METAP2: variants seen among roughly 807,000 people sequenced by gnomAD.
The protein encoded by METAP2 is methionyl aminopeptidase 2.
A neutral mutation model predicts 59.4 loss-of-function variants in METAP2; 25 were observed. That is an observed-to-expected ratio of 0.42 (90% CI 0.31 to 0.59). The LOEUF is 0.59. Among genes scored for constraint, METAP2 ranks in the 20% least tolerant of loss-of-function variants. METAP2 has a pLI of 0.16. For missense variants in METAP2, 366 were observed against 581.2 expected, an observed-to-expected ratio of 0.63 and a Z score of 3.81; for synonymous variants, 214 against 194.1, an observed-to-expected ratio of 1.10 and a Z score of -0.85.
intron 3 of METAP2, among the ~76,000 whole-genome samples, chr12:95,484,184 T>C (rs145109982): frequency 6.6e-6 from 1 of 152,166 alleles, no homozygotes; most frequent in Non-Finnish European, 1.5e-5. Context: ...GGCTAAAATT[T>C]TATGAATCAG....
Position 95,505,938 on chromosome 12 carries a change from CA to C in METAP2, c.964+1787del, listed in dbSNP as rs111916940. ...GGTAAAACCCCGTCTCTACTAAATA[CA>C]AAAAAAAAATAGCCAGGCGTGATGG... On this transcript the variant is annotated intron_variant, in intron 8 of 10. Transcript: ENST00000323666. Among the ~76,000 whole-genome samples, 37 of 138,684 alleles carry C rather than the reference CA, an allele frequency of 2.7e-4. 1 individual carries two copies. The highest frequency in any genetic ancestry group is 8.2e-4 in the East Asian group (4 of 4,854). 91.0% of individuals were successfully genotyped at this position (138,684 alleles called of 152,430 possible). A position where few individuals can be genotyped will look rare whatever the true frequency, so the allele number is the denominator to read the frequency against.
At chr12:95,495,794 C>G (rs1288926135) in intron 6 of METAP2, among the ~76,000 whole-genome samples, 2 of 152,062 alleles carry the variant, frequency 1.3e-5, no homozygotes, top group East Asian at 1.9e-4. Flanking sequence ...ATATACTAAC[C>G]TTGTAATTCT....
rs888429912 is a variant in METAP2, at chr12:95,501,911, C to G, written c.868-2154C>G. Among the ~76,000 whole-genome samples the G allele has an allele frequency of 4.0e-5, 6 of 150,656 alleles. No individual in the cohort carries two copies. In the East Asian group the frequency reaches 1.2e-3, roughly 29 times the overall value. ...TTTGCAGGGCATTTCTTGAGCACTT[C>G]TTGCAGGCCCGGTCTAGTAGTAATG... On this transcript the variant is annotated intron_variant, in intron 7 of 10. Coordinates refer to ENST00000323666, the MANE Select transcript of METAP2 (RefSeq NM_006838.4).
chr12:95,504,580 T>G (rs1490967137), intron 8 of METAP2, among the ~76,000 whole-genome samples: 1 of 152,256 alleles, frequency 6.6e-6, no homozygotes, highest in Non-Finnish European at 1.5e-5. Flanking sequence ...CACTGTAGTT[T>G]CAACCTCCCA....
intron 4 of METAP2, among the ~76,000 whole-genome samples, chr12:95,488,342 A>T (rs963555705): frequency 6.6e-6 from 1 of 151,588 alleles, no homozygotes; most frequent in African/African-American, 2.4e-5. Flanking sequence ...TCTACTAAAA[A>T]TAAAAAAATA....
chr12:95,475,286 T>G (rs1377553587), intron 1 of METAP2, among the ~76,000 whole-genome samples: 1 of 152,156 alleles, frequency 6.6e-6, no homozygotes, highest in Non-Finnish European at 1.5e-5. Flanking sequence ...CTTTCTGAAA[T>G]TTTGATTAGA....
chr12:95,504,852 T>C (rs566873764), intron 8 of METAP2, among the ~76,000 whole-genome samples: 1 of 152,344 alleles, frequency 6.6e-6, no homozygotes, highest in East Asian at 1.9e-4. Context: ...GTTCCTTCTG[T>C]ATCACTTTAA....
chr12:95,499,609 A>G lies in METAP2; in HGVS notation c.867+3511A>G, dbSNP rs544570641. On this transcript the variant is annotated intron_variant, in intron 7 of 10. Transcript: ENST00000323666. ...CAAAAAACACCAAATGGATTTTGAT[A>G]GGGATTGTGTTGAATGTGTAGATGG... Among the ~76,000 whole-genome samples, 270 of 151,732 alleles carry G rather than the reference A, an allele frequency of 1.8e-3. 1 individual carries two copies. Among genetic ancestry groups the G allele is most frequent in the African/African-American group, 6.2e-3 (256 of 41,316 alleles).
chr12:95,493,141 T>C (rs1240169414), intron 4 of METAP2, among the ~76,000 whole-genome samples: 2 of 152,170 alleles, frequency 1.3e-5, no homozygotes, highest in Non-Finnish European at 2.9e-5. Context: ...AGTTAATGTT[T>C]TTCCTACTAC....
At position 95,476,143 on chromosome 12, in the gene METAP2, C is replaced by T; in HGVS notation, c.224C>T (p.Ala75Val). Residue 75 changes from alanine (A) to valine (V), a missense_variant, in exon 2 of 11, where the codon GCA becomes GTA. This residue lies in a region of METAP2 where 177 missense variants were observed against 180.3 expected (regional missense o/e 0.98). Transcript: ENST00000323666. ...DEVARQLERS[A>V]LEDKERDEDD... ...GTAGCAAGACAGTTGGAAAGATCAG[C>T]ATTGGAAGATAAAGAAAGAGATGAA... 1.2e-6 allele frequency: 2 copies of T among 1,610,424 alleles called. No homozygotes were observed. The highest frequency in any genetic ancestry group is 1.7e-6 in the Non-Finnish European group (2 of 1,177,926).
chr12:95,503,174 A>C (rs2076329654), intron 7 of METAP2, among the ~76,000 whole-genome samples: 1 of 152,088 alleles, frequency 6.6e-6, no homozygotes, highest in African/African-American at 2.4e-5. Context: ...GGTAATTCTG[A>C]AAATCAGATA....
In METAP2 at chr12:95,495,116, A is replaced by C. The variant is rs759889487; in HGVS notation, c.750A>C (p.Ile250=). 1.2e-6 allele frequency: 2 copies of C among 1,612,660 alleles called. No homozygotes were observed. The highest frequency in any genetic ancestry group is 3.3e-5 in the Admixed American group (2 of 59,958). The change falls in exon 6 of 11, where the codon ATA becomes ATC. Residue 250 remains isoleucine (I), a synonymous_variant. Coordinates refer to ENST00000323666, the MANE Select transcript of METAP2 (RefSeq NM_006838.4). ...TACAGTATGATGACATCTGTAAAATAGACTTTGGAACACATATAAGTGGTA... is the reference window on the plus strand; with the variant it reads ...TACAGTATGATGACATCTGTAAAATCGACTTTGGAACACATATAAGTGGTA... ...TVLQYDDICK[I]DFGTHISGRI...
intron 1 of METAP2, among the ~76,000 whole-genome samples, chr12:95,474,607 T>G (rs2076103939): frequency 1.3e-5 from 2 of 152,142 alleles, no homozygotes; most frequent in Non-Finnish European, 2.9e-5. Flanking sequence ...TTACCAGAAC[T>G]CAGCTCCCAC....
intron 2 of METAP2, among the ~76,000 whole-genome samples, chr12:95,482,724 G>A (rs1002870712): frequency 2.0e-5 from 3 of 152,120 alleles, no homozygotes; most frequent in African/African-American, 4.8e-5. Flanking sequence ...CCTGGGAGGC[G>A]GAGGTTGCAG....
chr12:95,501,819 CT>C (rs547631132), intron 7 of METAP2, among the ~76,000 whole-genome samples: 147 of 144,432 alleles, frequency 1.0e-3, no homozygotes, highest in Non-Finnish European at 1.0e-3. Context: ...TACAATTGGC[CT>C]TTTTTTTTTT....
At chr12:95,474,361 C>T (rs2076101921) in intron 1 of METAP2, 31 bp downstream of exon 1, 1 of 1,609,416 alleles carries the variant, frequency 6.2e-7, no homozygotes, top group South Asian at 1.1e-5. Flanking sequence ...TCCCAGTCCC[C>T]TCCGGGAACG....
chr12:95,483,505 G>T (rs1468562391), intron 3 of METAP2: 3 of 410,456 alleles, frequency 7.3e-6, no homozygotes, highest in Non-Finnish European at 1.3e-5. Context: ...AAAAGAAGTG[G>T]TTATTCACTG....
At position 95,489,879 on chromosome 12, in the gene METAP2, G is replaced by T. The variant is rs1008085863; in HGVS notation, c.428+3898G>T. Among the ~76,000 whole-genome samples the T allele has an allele frequency of 1.3e-4, 20 of 152,210 alleles. No homozygotes were observed. The East Asian group carries it at 3.7e-3, about 28-fold the overall frequency. ...AAACTTCTTATTTTGAAATGATTTT[G>T]TACTTCCAGAAAAGCTACAAGCATA... is the stretch of plus-strand genomic sequence containing the variant. On this transcript the variant is annotated intron_variant, in intron 4 of 10. Coordinates refer to ENST00000323666, the MANE Select transcript of METAP2 (RefSeq NM_006838.4).
chr12:95,513,669 A>T lies in METAP2; in HGVS notation c.1202A>T (p.His401Leu). Residue 401 changes from histidine to leucine, a missense_variant, in exon 11 of 11, where the codon CAC becomes CTC. Physicochemically the swap from His to Leu is moderately conservative, Grantham distance 99. Coordinates refer to ENST00000323666, the MANE Select transcript of METAP2 (RefSeq NM_006838.4). ...CCTCTTAGGCTTCCAAGAACAAAAC[A>T]CTTGTTAAATGTCATCAATGAAAAC... ...HVPIRLPRTK[H>L]LLNVINENFG... 4 of 1,613,876 alleles carry T rather than the reference A, an allele frequency of 2.5e-6. No individual in the cohort carries two copies. The highest frequency in any genetic ancestry group is 3.4e-6 in the Non-Finnish European group (4 of 1,179,934).
Sources: gnomAD v4.1 joint callset for allele counts (sites outside exome capture counted in the v4.1 genomes callset) on GRCh38, gnomAD v4.1.1 for gene constraint, gnomAD v4.1.1 regional missense constraint, MANE v1.5 for transcripts, NCBI Gene and HGNC (gene_info 2026-07-23, HGNC 2026-07-21) for gene names.